The following LGR6 variants were observed in gnomAD, a reference collection of about 807,000 sequenced individuals.
LGR6 encodes the protein leucine-rich repeat-containing G protein-coupled receptor 6.
Under a neutral mutation model 69.4 loss-of-function variants are expected in LGR6, and 45 were observed. That is an observed-to-expected ratio of 0.65 (90% CI 0.51 to 0.83). LGR6 has a LOEUF of 0.83. Ranked by LOEUF, LGR6 falls within the 40% of genes least tolerant of loss-of-function variation. The pLI is 0.00. For synonymous variants in LGR6, 538 were observed against 555.0 expected, an observed-to-expected ratio of 0.97 and a Z score of 0.43; for missense variants, 1,108 against 1,246.7, an observed-to-expected ratio of 0.89 and a Z score of 1.68.
chr1:202,235,366 T>C (rs1053088508), intron 3 of LGR6, among the ~76,000 whole-genome samples: 8 of 152,182 alleles, frequency 5.3e-5, no homozygotes, highest in African/African-American at 1.7e-4. Flanking sequence ...TTAGGTGAGA[T>C]TGGGCCATGA....
intron 14 of LGR6, among the ~76,000 whole-genome samples, chr1:202,307,941 T>C (rs976668967): frequency 3.3e-5 from 5 of 152,172 alleles, no homozygotes; most frequent in African/African-American, 9.6e-5. Flanking sequence ...GCAGCTGCCA[T>C]GTACTGTGGG....
At chr1:202,205,986 A>ACC (rs1299365590) in intron 1 of LGR6, among the ~76,000 whole-genome samples, 6 of 149,962 alleles carry the variant, frequency 4.0e-5, no homozygotes, top group African/African-American at 1.5e-4. Context: ...ACACACACAC[A>ACC]CACCCCTAGT....
intron 1 of LGR6, among the ~76,000 whole-genome samples, chr1:202,218,174 A>G (rs1235034586): frequency 1.3e-5 from 2 of 152,194 alleles, no homozygotes; most frequent in Non-Finnish European, 2.9e-5. Flanking sequence ...TGAACTTGCC[A>G]TGTGTCCTTA....
chr1:202,272,869 C>T (rs1453470115), intron 4 of LGR6, among the ~76,000 whole-genome samples: 11 of 152,234 alleles, frequency 7.2e-5, no homozygotes, highest in Admixed American at 7.2e-4. Context: ...TGACCCACTT[C>T]CTGCCTGCCT....
intron 7 of LGR6, chr1:202,298,713 G>A (rs1245935783): frequency 6.6e-6 from 1 of 151,814 alleles, no homozygotes; most frequent in Non-Finnish European, 1.5e-5. Flanking sequence ...GTAGAGACGG[G>A]GTTTCACCAT....
intron 6 of LGR6, among the ~76,000 whole-genome samples, chr1:202,291,155 C>A (rs1444829399): frequency 6.6e-6 from 1 of 152,204 alleles, no homozygotes; most frequent in African/African-American, 2.4e-5. Flanking sequence ...GGTGTCTTAG[C>A]TATGGACAGC....
intron 15 of LGR6, among the ~76,000 whole-genome samples, chr1:202,309,986 A>G (rs1448938444): frequency 6.6e-6 from 1 of 152,172 alleles, no homozygotes; most frequent in Non-Finnish European, 1.5e-5. Flanking sequence ...AAAGACAGAA[A>G]TGCCTCCAGA....
chr1:202,242,514 T>C (rs963037111), intron 4 of LGR6, among the ~76,000 whole-genome samples: 1 of 152,218 alleles, frequency 6.6e-6, no homozygotes, highest in Non-Finnish European at 1.5e-5. Context: ...ATATCATGCA[T>C]AGAGGTACAG....
At chr1:202,276,160 A>T (rs890310551) in intron 4 of LGR6, 146 bp from the exon 5 acceptor site, 1 of 635,644 alleles carries the variant, frequency 1.6e-6, no homozygotes, top group African/African-American at 1.8e-5. Context: ...AAGAGGCGGG[A>T]TACAGGATAC....
At chr1:202,316,782 C>A (rs1654178037) in intron 17 of LGR6, among the ~76,000 whole-genome samples, 1 of 152,052 alleles carries the variant, frequency 6.6e-6, no homozygotes, top group Non-Finnish European at 1.5e-5. Flanking sequence ...TCTCAAATTC[C>A]CAAGCTACCA....
chr1:202,227,865 A>G, intron 2 of LGR6, 71 bp from the exon 3 acceptor site: 1 of 1,043,664 alleles, frequency 9.6e-7, no homozygotes. Context: ...ATCTCAAGAC[A>G]CTTTCTTATG....
intron 16 of LGR6, 34 bp downstream of exon 16, chr1:202,310,391 A>G (rs759658089): frequency 6.2e-7 from 1 of 1,606,456 alleles, no homozygotes; most frequent in South Asian, 1.1e-5. Flanking sequence ...TGGGGAGGGT[A>G]GTGGGCTGTG....
chr1:202,307,051 C>A, intron 13 of LGR6, 112 bp downstream of exon 13: 1 of 915,420 alleles, frequency 1.1e-6, no homozygotes, highest in Non-Finnish European at 1.7e-6. Context: ...ACATGCACAT[C>A]GCCTCCCAGC....
At chr1:202,276,989 A>G (rs1665613038) in intron 5 of LGR6, among the ~76,000 whole-genome samples, 1 of 152,142 alleles carries the variant, frequency 6.6e-6, no homozygotes, top group Admixed American at 6.5e-5. Context: ...TAGACAGCAA[A>G]GCCCCATCAC....
At position 202,215,809 on chromosome 1, in the gene LGR6, C is replaced by G. The variant is rs545281065; in HGVS notation, c.213-9614C>G. On this transcript the variant is annotated intron_variant, in intron 1 of 17. Coordinates refer to ENST00000367278, the MANE Select transcript of LGR6 (RefSeq NM_001017403.2). ...AGCTGTGGAGGAGCTCCCAGCCTGT[C>G]TGGGGAGACCAGCTACATGAATGAG... Among the ~76,000 whole-genome samples, 48 of 152,210 alleles carry G rather than the reference C, an allele frequency of 3.2e-4. 1 individual carries two copies. The highest frequency in any genetic ancestry group is 2.0e-4 in the Admixed American group (3 of 15,284).
intron 1 of LGR6, among the ~76,000 whole-genome samples, chr1:202,215,020 T>TGCGTGC (rs1659676143): frequency 7.4e-6 from 1 of 135,814 alleles, no homozygotes; most frequent in South Asian, 2.5e-4. Flanking sequence ...TGTGTGTGTG[T>TGCGTGC]GCGCGCGCGC....
intron 6 of LGR6, among the ~76,000 whole-genome samples, chr1:202,289,929 G>T (rs1204408413): frequency 1.3e-5 from 2 of 152,316 alleles, no homozygotes; most frequent in East Asian, 3.9e-4. Flanking sequence ...CCTTATCTGT[G>T]ATCCAGTAAT....
At chr1:202,247,407 C>G (rs946003925) in intron 4 of LGR6, among the ~76,000 whole-genome samples, 1 of 152,208 alleles carries the variant, frequency 6.6e-6, no homozygotes, top group Non-Finnish European at 1.5e-5. Flanking sequence ...CTCTCCCAAC[C>G]TCAGCTGAGA....
At chr1:202,196,739 A>G (rs1658654498) in intron 1 of LGR6, among the ~76,000 whole-genome samples, 2 of 152,192 alleles carry the variant, frequency 1.3e-5, no homozygotes, top group Non-Finnish European at 2.9e-5. Context: ...TGGGTGCTCC[A>G]TGGAGGTGGA....
Sources: allele counts gnomAD v4.1 joint callset (sites outside exome capture counted in the v4.1 genomes callset), GRCh38; gene constraint gnomAD v4.1.1; transcripts MANE v1.5; gene names NCBI Gene and HGNC (gene_info 2026-07-23, HGNC 2026-07-21).